ROS1: variants seen among roughly 807,000 people sequenced by gnomAD.
ROS1 encodes proto-oncogene tyrosine-protein kinase ROS.
A neutral mutation model predicts 273.5 loss-of-function variants in ROS1; 263 were observed. The ratio of observed to expected loss-of-function variants is 0.96; its 90% CI spans 0.87 to 1.06. The LOEUF is 1.06. ROS1 is among the 50% of genes least tolerant of loss of function. The pLI, the probability that ROS1 is intolerant of heterozygous loss-of-function variation, is 0.00. For missense variants in ROS1, 2,833 were observed against 2,751.1 expected (o/e 1.03, Z -0.67); for synonymous variants, 1,008 against 954.1 (o/e 1.06, Z -1.04).
At chr6:117,302,140 A>T (rs1158043765) in intron 42 of ROS1, among the ~76,000 whole-genome samples, 1 of 152,242 alleles carries the variant, frequency 6.6e-6, no homozygotes, top group African/African-American at 2.4e-5. Flanking sequence ...GTTTATAATT[A>T]ACTAGGTCTT....
chr6:117,375,583 T>G (rs549823146), intron 18 of ROS1, among the ~76,000 whole-genome samples: 1 of 151,900 alleles, frequency 6.6e-6, no homozygotes, highest in Non-Finnish European at 1.5e-5. Flanking sequence ...AAATAAAAAA[T>G]TTAAAACCAA....
chr6:117,344,940 C>G (rs1380039704), intron 27 of ROS1, among the ~76,000 whole-genome samples: 1 of 152,230 alleles, frequency 6.6e-6, no homozygotes, highest in Non-Finnish European at 1.5e-5. Context: ...AATCGCAGAT[C>G]TGTCACTTGC....
intron 43 of ROS1, 75 bp downstream of exon 43, chr6:117,300,899 T>G (rs1774667384): frequency 6.6e-6 from 8 of 1,220,762 alleles, no homozygotes; most frequent in Non-Finnish European, 8.8e-6. Flanking sequence ...AAATGCTTTC[T>G]GTGTACATTC....
At chr6:117,382,463 G>C (rs909788052) in intron 17 of ROS1, among the ~76,000 whole-genome samples, 2 of 151,976 alleles carry the variant, frequency 1.3e-5, no homozygotes, top group Non-Finnish European at 2.9e-5. Flanking sequence ...CTTAAAATAA[G>C]AAAATCTTAA....
intron 43 of ROS1, among the ~76,000 whole-genome samples, chr6:117,290,752 C>T (rs1773777314): frequency 6.6e-6 from 1 of 152,086 alleles, no homozygotes; most frequent in Admixed American, 6.6e-5. Context: ...CTCTCTATCC[C>T]CTTTCCACCC....
chr6:117,292,480 C>A (rs1464331555), intron 43 of ROS1, among the ~76,000 whole-genome samples: 1 of 152,188 alleles, frequency 6.6e-6, no homozygotes, highest in African/African-American at 2.4e-5. Flanking sequence ...TCTTCCCTTT[C>A]TGGCTGCTCC....
chr6:117,364,316 C>G (rs1372479465), intron 21 of ROS1, among the ~76,000 whole-genome samples: 2 of 152,184 alleles, frequency 1.3e-5, no homozygotes, highest in Non-Finnish European at 2.9e-5. Flanking sequence ...ATTAGCTTTA[C>G]ATAAATTACT....
chr6:117,319,537 T>A (rs138800077), intron 37 of ROS1, among the ~76,000 whole-genome samples: 1 of 152,198 alleles, frequency 6.6e-6, no homozygotes, highest in East Asian at 1.9e-4. Context: ...TAAGAAAAGG[T>A]TTGCTGACCC....
At chr6:117,370,403 A>C (rs570418502) in intron 18 of ROS1, among the ~76,000 whole-genome samples, 1 of 152,124 alleles carries the variant, frequency 6.6e-6, no homozygotes. Context: ...TAACAATGTG[A>C]TATTAGGAAA....
intron 33 of ROS1, among the ~76,000 whole-genome samples, chr6:117,328,073 G>T (rs1002263481): frequency 1.3e-5 from 2 of 152,270 alleles, no homozygotes; most frequent in African/African-American, 4.8e-5. Flanking sequence ...CCAGTTGGTG[G>T]TCCTTTATTG....
At chr6:117,387,041 C>T (rs369234819) in intron 14 of ROS1, 42 bp from the exon 15 acceptor site, 3 of 1,135,464 alleles carry the variant, frequency 2.6e-6, no homozygotes, top group Non-Finnish European at 4.0e-6. Context: ...TCAGGGAAAG[C>T]AAACTCTTTA....
Position 117,389,672 on chromosome 6 carries a change from T to C in ROS1, c.1464A>G (p.Ser488=), listed in dbSNP as rs1293483843. Residue 488 remains serine, a synonymous_variant, in exon 13 of 44, where the codon TCA becomes TCG. Transcript: ENST00000368507. Reference sequence around the variant, plus strand: ...GGGAAGCAGAGCCATCCAGAAATGTTGACATGAAGACTTGGGCAGTGTCAT... The same window carrying C: ...GGGAAGCAGAGCCATCCAGAAATGTCGACATGAAGACTTGGGCAGTGTCAT... ...YFNDTAQVFM[S]TFLDGSASHL... 6.2e-7 allele frequency: 1 copy of C among 1,614,202 alleles called. No homozygotes were observed. The highest frequency in any genetic ancestry group is 1.7e-5 in the Admixed American group (1 of 60,032).
At chr6:117,372,659 G>T (rs892073607) in intron 18 of ROS1, among the ~76,000 whole-genome samples, 1 of 152,112 alleles carries the variant, frequency 6.6e-6, no homozygotes. Context: ...TCTTAAGGTG[G>T]CGCATCTGGA....
chr6:117,340,468 G>A (rs1777835502), intron 31 of ROS1, among the ~76,000 whole-genome samples: 1 of 152,000 alleles, frequency 6.6e-6, no homozygotes, highest in African/African-American at 2.4e-5. Flanking sequence ...ATACAAACAT[G>A]CACATGCACA....
chr6:117,409,378 G>A (rs1774711471), intron 5 of ROS1, among the ~76,000 whole-genome samples: 1 of 152,140 alleles, frequency 6.6e-6, no homozygotes, highest in Non-Finnish European at 1.5e-5. Flanking sequence ...TGTTTACTCT[G>A]TTTTGTTCTG....
At chr6:117,398,260 A>G (rs1265772304) in intron 7 of ROS1, among the ~76,000 whole-genome samples, 3 of 149,248 alleles carry the variant, frequency 2.0e-5, no homozygotes, top group African/African-American at 7.7e-5. Context: ...ATCATTGTCC[A>G]GGTCTTCCCC....
chr6:117,349,629 C>G (rs1778648796), intron 27 of ROS1, among the ~76,000 whole-genome samples: 2 of 151,876 alleles, frequency 1.3e-5, no homozygotes, highest in Admixed American at 1.3e-4. Flanking sequence ...ATTTGTTGCC[C>G]TTGTTCTTTG....
At chr6:117,293,961 A>G (rs1562243250) in intron 43 of ROS1, among the ~76,000 whole-genome samples, 3 of 152,218 alleles carry the variant, frequency 2.0e-5, no homozygotes, top group African/African-American at 7.2e-5. Context: ...ACTATGATCA[A>G]GTAAGATTTA....
At position 117,418,446 on chromosome 6, in the gene ROS1, T is replaced by C; in HGVS notation, c.168+16A>G. The C allele has an allele frequency of 3.8e-6, 6 of 1,572,212 alleles. No individual in the cohort carries two copies. Among genetic ancestry groups the C allele is most frequent in the Non-Finnish European group, 5.2e-6 (6 of 1,152,732 alleles). ...CAAACATTGTAATATTCTTGACAAC[T>C]GAAGAAATTACTTACCGGTTCACTC... On this transcript the variant is annotated intron_variant, in intron 2 of 43. Transcript: ENST00000368507.
Sources: allele counts gnomAD v4.1 joint callset (sites outside exome capture counted in the v4.1 genomes callset), GRCh38; gene constraint gnomAD v4.1.1; transcripts MANE v1.5; gene names NCBI Gene and HGNC (gene_info 2026-07-23, HGNC 2026-07-21).